The following ANGPT1 variants were observed in gnomAD, a reference collection of about 807,000 sequenced individuals.
The protein encoded by ANGPT1 is angiopoietin-1.
ANGPT1 carries 17 observed loss-of-function variants against 62.2 expected under a neutral mutation model. That is an observed-to-expected ratio of 0.27 (90% CI 0.19 to 0.41). ANGPT1 has a LOEUF of 0.41. ANGPT1 is among the 10% of genes least tolerant of loss of function. ANGPT1 has a pLI of 1.00. For synonymous variants in ANGPT1, 199 were observed against 198.9 expected (o/e 1.00, Z 0.00); for missense variants, 478 against 594.9 (o/e 0.80, Z 2.04).
At chr8:107,421,405 G>T (rs2130380010) in intron 1 of ANGPT1, among the ~76,000 whole-genome samples, 1 of 152,226 alleles carries the variant, frequency 6.6e-6, no homozygotes, top group Middle Eastern at 3.4e-3. Flanking sequence ...AAGCTATAAA[G>T]TATGACTCAA....
chr8:107,316,023 C>A (rs1298432629), intron 4 of ANGPT1, among the ~76,000 whole-genome samples: 1 of 152,076 alleles, frequency 6.6e-6, no homozygotes, highest in African/African-American at 2.4e-5. Flanking sequence ...CTATTTTTTC[C>A]CTTCCAATCT....
intron 8 of ANGPT1, among the ~76,000 whole-genome samples, chr8:107,258,627 T>C (rs929870852): frequency 6.6e-6 from 1 of 152,176 alleles, no homozygotes; most frequent in African/African-American, 2.4e-5. Context: ...AATGAAACTT[T>C]GCCCGAGAAA....
chr8:107,277,965 T>C (rs756877830), intron 7 of ANGPT1, among the ~76,000 whole-genome samples: 10 of 152,108 alleles, frequency 6.6e-5, no homozygotes, highest in Non-Finnish European at 1.5e-4. Context: ...TTGGAGACAA[T>C]AGTGGTGATT....
chr8:107,340,632 C>A (rs1275732488), intron 2 of ANGPT1, among the ~76,000 whole-genome samples: 1 of 151,380 alleles, frequency 6.6e-6, no homozygotes, highest in African/African-American at 2.4e-5. Context: ...TCTTGGGCTC[C>A]GGTGAGGTGT....
chr8:107,457,187 T>C (rs1461905545), intron 1 of ANGPT1, among the ~76,000 whole-genome samples: 2 of 152,132 alleles, frequency 1.3e-5, no homozygotes, highest in Non-Finnish European at 2.9e-5. Context: ...TGATTACACA[T>C]TGATACATGT....
At chr8:107,357,044 A>G (rs1816061613) in intron 1 of ANGPT1, among the ~76,000 whole-genome samples, 1 of 152,186 alleles carries the variant, frequency 6.6e-6, no homozygotes, top group Non-Finnish European at 1.5e-5. Context: ...TTCCCAACCT[A>G]CATGTGTCCA....
chr8:107,257,240 T>C (rs998581010), intron 8 of ANGPT1, among the ~76,000 whole-genome samples: 1 of 152,244 alleles, frequency 6.6e-6, no homozygotes, highest in Non-Finnish European at 1.5e-5. Context: ...ATGTATATTT[T>C]AATAAGAAAT....
chr8:107,433,342 G>T (rs79746103), intron 1 of ANGPT1, among the ~76,000 whole-genome samples: 6,993 of 152,216 alleles, frequency 0.046, 168 homozygotes, highest in Middle Eastern at 0.068. Context: ...CAAGTGATTG[G>T]ATAGGTAAGT....
intron 1 of ANGPT1, among the ~76,000 whole-genome samples, chr8:107,393,608 G>A (rs903437182): frequency 1.3e-5 from 2 of 152,210 alleles, no homozygotes; most frequent in Non-Finnish European, 1.5e-5. Flanking sequence ...TCAGGAGTTC[G>A]AGACCAGCCT....
In ANGPT1 at chr8:107,251,705, G is replaced by C. The variant is rs556991396; in HGVS notation, c.*150C>G. 36 of 981,434 alleles carry C rather than the reference G, an allele frequency of 3.7e-5. 1 individual carries two copies. In the South Asian group the frequency reaches 6.2e-4, roughly 17 times the overall value. 60.8% of individuals were successfully genotyped at this position (981,434 alleles called of 1,614,324 possible). A position where few individuals can be genotyped will look rare whatever the true frequency, so the allele number is the denominator to read the frequency against. ...TGAACTCAAACGGCTCCAGATTCAC[G>C]GTCAAGAACCTTGGTGACTTCACAT... On this transcript the variant is annotated 3_prime_UTR_variant, in exon 9 of 9. Coordinates refer to ENST00000517746, the MANE Select transcript of ANGPT1 (RefSeq NM_001146.5).
intron 2 of ANGPT1, among the ~76,000 whole-genome samples, chr8:107,344,946 A>G (rs1815771126): frequency 6.6e-6 from 1 of 152,226 alleles, no homozygotes; most frequent in South Asian, 2.1e-4. Context: ...TCTAAGCAGA[A>G]CATGTCCTGT....
At chr8:107,408,644 A>G (rs1563609553) in intron 1 of ANGPT1, among the ~76,000 whole-genome samples, 1 of 152,170 alleles carries the variant, frequency 6.6e-6, no homozygotes, top group Non-Finnish European at 1.5e-5. Flanking sequence ...TGGCAAATAA[A>G]GGAACTCTTA....
chr8:107,361,212 T>A (rs1437625224), intron 1 of ANGPT1, among the ~76,000 whole-genome samples: 1 of 151,996 alleles, frequency 6.6e-6, no homozygotes, highest in Non-Finnish European at 1.5e-5. Flanking sequence ...TGATTTTTTT[T>A]AAAGTTTACT....
At chr8:107,273,878 T>C (rs974289626) in intron 7 of ANGPT1, among the ~76,000 whole-genome samples, 1 of 151,126 alleles carries the variant, frequency 6.6e-6, no homozygotes, top group Non-Finnish European at 1.5e-5. Context: ...TTATACAAAA[T>C]TTTGTGTTTC....
Position 107,251,961 on chromosome 8 carries a change from G to A in ANGPT1, c.1391C>T (p.Ala464Val), listed in dbSNP as rs765706787. The A allele has an allele frequency of 8.7e-6, 14 of 1,613,796 alleles. No homozygotes were observed. The highest frequency in any genetic ancestry group is 4.5e-5 in the East Asian group (2 of 44,874). The part of the protein sequence containing the change: ...PSNLNGMFYT[A>V]GQNHGKLNGI... ...ATTCAGTTTTCCATGGTTTTGTCCC[G>A]CAGTATAGAACATTCCATTTAGATT... The change falls in exon 9 of 9, where the codon GCG becomes GTG. Residue 464 changes from alanine to valine, a missense_variant. Ala to Val is a moderately conservative substitution (Grantham distance 64, BLOSUM62 0). Coordinates refer to ENST00000517746, the MANE Select transcript of ANGPT1 (RefSeq NM_001146.5).
At chr8:107,324,361 T>A (rs77497885) in intron 3 of ANGPT1, among the ~76,000 whole-genome samples, 1,960 of 151,988 alleles carry the variant, frequency 0.013, 24 homozygotes, top group Non-Finnish European at 0.021. Flanking sequence ...ATGATTGGTG[T>A]CCTTATAAAA....
At chr8:107,362,802 A>G (rs1479482227) in intron 1 of ANGPT1, among the ~76,000 whole-genome samples, 2 of 152,204 alleles carry the variant, frequency 1.3e-5, no homozygotes, top group South Asian at 2.1e-4. Context: ...TCTGTAAAAA[A>G]GGAAGAGTCA....
At chr8:107,467,963 G>A (rs767399667) in intron 1 of ANGPT1, among the ~76,000 whole-genome samples, 2 of 152,016 alleles carry the variant, frequency 1.3e-5, no homozygotes, top group South Asian at 4.1e-4. Context: ...TCTGATGCTC[G>A]GAAAGAGCAA....
Position 107,403,390 on chromosome 8 carries a change from C to T in ANGPT1, c.298-56293G>A, listed in dbSNP as rs562803431. Among the ~76,000 whole-genome samples, 384 of 152,202 alleles carry T rather than the reference C, an allele frequency of 2.5e-3. 4 individuals are homozygous for T. Among genetic ancestry groups the T allele is most frequent in the African/African-American group, 8.7e-3 (360 of 41,534 alleles). On this transcript the variant is annotated intron_variant, in intron 1 of 8. Transcript: ENST00000517746. ...ACTGAGAACGTGAATAACTGTTATTCGGCCTCTATTATGGGAGGCAAGATT... is the reference window on the plus strand; with the variant it reads ...ACTGAGAACGTGAATAACTGTTATTTGGCCTCTATTATGGGAGGCAAGATT...
Sources: gnomAD v4.1 joint callset for allele counts (sites outside exome capture counted in the v4.1 genomes callset) on GRCh38, gnomAD v4.1.1 for gene constraint, MANE v1.5 for transcripts, NCBI Gene and HGNC (gene_info 2026-07-23, HGNC 2026-07-21) for gene names.